ADCY2: variants seen among roughly 807,000 people sequenced by gnomAD.
ADCY2 encodes the protein adenylate cyclase 2, also known as adenylate cyclase type 2.
A neutral mutation model predicts 125.2 loss-of-function variants in ADCY2; 31 were observed. The observed-to-expected ratio is 0.25, with a 90% CI of 0.19 to 0.33. The LOEUF is 0.33. ADCY2 is among the 10% of genes least tolerant of loss of function. The pLI is 1.00. For missense variants in ADCY2, 904 were observed against 1,418.2 expected, an observed-to-expected ratio of 0.64 and a Z score of 5.82; for synonymous variants, 512 against 548.4, an observed-to-expected ratio of 0.93 and a Z score of 0.93.
At chr5:7,472,687 G>A (rs1742384696) in intron 2 of ADCY2, among the ~76,000 whole-genome samples, 1 of 152,012 alleles carries the variant, frequency 6.6e-6, no homozygotes, top group African/African-American at 2.4e-5. Flanking sequence ...CTTTAGCTAG[G>A]CTGGTAGTTT....
chr5:7,725,504 C>T (rs1184271526), intron 13 of ADCY2, among the ~76,000 whole-genome samples: 1 of 151,998 alleles, frequency 6.6e-6, no homozygotes, highest in Non-Finnish European at 1.5e-5. Context: ...CTGTTGTCTA[C>T]TGCTAAGTAG....
chr5:7,734,199 C>T (rs994032231), intron 14 of ADCY2, among the ~76,000 whole-genome samples: 6 of 152,254 alleles, frequency 3.9e-5, no homozygotes, highest in African/African-American at 1.4e-4. Flanking sequence ...ATGAAGTCAA[C>T]CAGGAAAGAG....
chr5:7,625,520 T>C (rs944681649), intron 3 of ADCY2, among the ~76,000 whole-genome samples: 2 of 152,218 alleles, frequency 1.3e-5, no homozygotes, highest in South Asian at 4.1e-4. Context: ...TTCTCCCAAA[T>C]TATATGAACA....
At chr5:7,754,581 T>C (rs7445859) in intron 15 of ADCY2, among the ~76,000 whole-genome samples, 151,398 of 152,272 alleles carry the variant, frequency 0.99, 75,270 homozygotes, top group Middle Eastern at 1. Context: ...TCTTAATTTG[T>C]GAGAATCAAA....
intron 3 of ADCY2, among the ~76,000 whole-genome samples, chr5:7,570,684 A>G (rs1394267427): frequency 6.6e-6 from 1 of 152,086 alleles, no homozygotes; most frequent in African/African-American, 2.4e-5. Flanking sequence ...ATGTCTAAAT[A>G]TATTTGAACT....
intron 3 of ADCY2, among the ~76,000 whole-genome samples, chr5:7,601,192 G>A (rs541494816): frequency 1.3e-5 from 2 of 152,228 alleles, no homozygotes; most frequent in African/African-American, 4.8e-5. Flanking sequence ...CAAGACTCAA[G>A]GCCAGAGTTC....
At chr5:7,482,701 T>C (rs778683113) in intron 2 of ADCY2, among the ~76,000 whole-genome samples, 41 of 149,870 alleles carry the variant, frequency 2.7e-4, no homozygotes, top group Non-Finnish European at 5.2e-4. Flanking sequence ...GTAGCACTAT[T>C]CCTAATAGCC....
intron 11 of ADCY2, among the ~76,000 whole-genome samples, chr5:7,715,346 G>A (rs577376778): frequency 3.9e-5 from 6 of 152,072 alleles, no homozygotes; most frequent in African/African-American, 1.4e-4. Flanking sequence ...ACAAAATATC[G>A]AAGAATTACA....
intron 23 of ADCY2, among the ~76,000 whole-genome samples, chr5:7,819,490 T>C (rs938898523): frequency 6.6e-6 from 1 of 152,234 alleles, no homozygotes; most frequent in Non-Finnish European, 1.5e-5. Flanking sequence ...AACTGTTGAA[T>C]GGACCTCCTT....
chr5:7,557,035 A>G (rs1025480470), intron 3 of ADCY2, among the ~76,000 whole-genome samples: 6 of 151,980 alleles, frequency 3.9e-5, no homozygotes, highest in African/African-American at 1.2e-4. Context: ...CAAAGATGCC[A>G]TTTTAAAAGT....
In ADCY2 at chr5:7,438,238, G is replaced by A. The variant is rs1415212971; in HGVS notation, c.408+23468G>A. On this transcript the variant is annotated intron_variant, in intron 2 of 24. Transcript: ENST00000338316. Reference sequence around the variant, plus strand: ...CTCCCCTTCTCCTTGTTAGGGCATTGTGCTTACCCACCGTTATTTATTTCA... The same window carrying A: ...CTCCCCTTCTCCTTGTTAGGGCATTATGCTTACCCACCGTTATTTATTTCA... Among the ~76,000 whole-genome samples, 3 of 152,116 alleles carry A rather than the reference G, an allele frequency of 2.0e-5. No homozygotes were observed. The East Asian group carries it at 5.8e-4, about 29-fold the overall frequency.
At chr5:7,615,058 T>C (rs1039135761) in intron 3 of ADCY2, among the ~76,000 whole-genome samples, 1 of 152,054 alleles carries the variant, frequency 6.6e-6, no homozygotes, top group Non-Finnish European at 1.5e-5. Context: ...CATCTTCACA[T>C]AGTGGAGCAG....
chr5:7,738,134 A>G (rs936789679), intron 14 of ADCY2, among the ~76,000 whole-genome samples: 1 of 152,186 alleles, frequency 6.6e-6, no homozygotes, highest in African/African-American at 2.4e-5. Context: ...AGTATAAAAG[A>G]CAATGTATTT....
intron 15 of ADCY2, among the ~76,000 whole-genome samples, chr5:7,750,896 A>G (rs1004574149): frequency 7.2e-5 from 11 of 151,844 alleles, no homozygotes; most frequent in Non-Finnish European, 1.5e-4. Context: ...TAGGTCTGCA[A>G]CGTCATTGTC....
intron 4 of ADCY2, among the ~76,000 whole-genome samples, chr5:7,652,383 A>G (rs1409357379): frequency 1.3e-5 from 2 of 152,228 alleles, no homozygotes; most frequent in African/African-American, 2.4e-5. Flanking sequence ...TTTCTTGCTG[A>G]ACAAAAACTC....
intron 4 of ADCY2, among the ~76,000 whole-genome samples, chr5:7,650,840 A>T (rs1265658402): frequency 6.6e-6 from 1 of 152,206 alleles, no homozygotes. Context: ...GCAAGGCGGG[A>T]TGGCTTCTGG....
intron 2 of ADCY2, among the ~76,000 whole-genome samples, chr5:7,475,645 G>A (rs1435100466): frequency 6.6e-6 from 1 of 152,176 alleles, no homozygotes; most frequent in Non-Finnish European, 1.5e-5. Context: ...GCCTCCCAAA[G>A]TGTTAGGATT....
At chr5:7,641,012 G>C (rs1281604960) in intron 4 of ADCY2, among the ~76,000 whole-genome samples, 1 of 152,192 alleles carries the variant, frequency 6.6e-6, no homozygotes, top group Non-Finnish European at 1.5e-5. Flanking sequence ...TTTGAGTAGA[G>C]AGATGAGAAA....
intron 4 of ADCY2, among the ~76,000 whole-genome samples, chr5:7,657,377 A>T (rs1739375836): frequency 6.6e-6 from 1 of 152,202 alleles, no homozygotes; most frequent in African/African-American, 2.4e-5. Flanking sequence ...GAATGTGTAG[A>T]TTAGGGCAAT....
Sources: gnomAD v4.1 joint callset for allele counts (sites outside exome capture counted in the v4.1 genomes callset) on GRCh38, gnomAD v4.1.1 for gene constraint, MANE v1.5 for transcripts, NCBI Gene and HGNC (gene_info 2026-07-23, HGNC 2026-07-21) for gene names.